Variants in CCDC102B observed in about 807,000 individuals in gnomAD.
CCDC102B encodes coiled-coil domain containing 102B, also known as coiled-coil domain-containing protein 102B.
A neutral mutation model predicts 57.4 loss-of-function variants in CCDC102B; 75 were observed. The ratio of observed to expected loss-of-function variants is 1.31; its 90% CI spans 1.08 to 1.58. The LOEUF is 1.58. Among genes scored for constraint, CCDC102B ranks in the 40% most tolerant of loss-of-function variants. CCDC102B has a pLI of 0.00. For missense variants in CCDC102B, 636 were observed against 582.6 expected (o/e 1.09, Z -0.94); for synonymous variants, 206 against 201.9 (o/e 1.02, Z -0.17).
At position 68,880,300 on chromosome 18, in the gene CCDC102B, A is replaced by G. The variant is rs952141217; in HGVS notation, c.1053+5515A>G. Among the ~76,000 whole-genome samples the G allele has an allele frequency of 1.6e-4, 25 of 152,180 alleles. No homozygotes were observed. In the East Asian group the frequency reaches 4.9e-3, roughly 30 times the overall value. On this transcript the variant is annotated intron_variant, in intron 5 of 7. Coordinates refer to ENST00000360242, the MANE Select transcript of CCDC102B (RefSeq NM_024781.3). Reference sequence around the variant, plus strand: ...GCCAGCTGCTCCGAGTGCGGGGCCCACCAAGCCCATGCCCACCCGGAACTC... The same window carrying G: ...GCCAGCTGCTCCGAGTGCGGGGCCCGCCAAGCCCATGCCCACCCGGAACTC...
At chr18:68,995,463 G>A (rs1472508245) in intron 6 of CCDC102B, among the ~76,000 whole-genome samples, 1 of 152,140 alleles carries the variant, frequency 6.6e-6, no homozygotes, top group Non-Finnish European at 1.5e-5. Context: ...GCTTTGTGCA[G>A]TCTTGGGACT....
chr18:68,848,307 A>G lies in CCDC102B; in HGVS notation c.936+1886A>G, dbSNP rs1269274046. Among the ~76,000 whole-genome samples, 2 of 151,966 alleles carry G rather than the reference A, an allele frequency of 1.3e-5. 1 individual carries two copies. The highest frequency in any genetic ancestry group is 1.3e-4 in the Admixed American group (2 of 15,218). ...TTTTTCCTCAACAATTCTGATAATG[A>G]CCTTTGCATTTATCGTAGCTCATCA... On this transcript the variant is annotated intron_variant, in intron 4 of 7. Transcript: ENST00000360242.
chr18:69,046,779 A>G (rs1034720975), intron 7 of CCDC102B, among the ~76,000 whole-genome samples: 5 of 151,986 alleles, frequency 3.3e-5, no homozygotes, highest in Admixed American at 1.3e-4. Context: ...TGTATATGGT[A>G]TAAAGAAGGG....
chr18:68,952,943 T>A (rs969336305), intron 6 of CCDC102B, among the ~76,000 whole-genome samples: 2 of 152,132 alleles, frequency 1.3e-5, no homozygotes, highest in Non-Finnish European at 2.9e-5. Flanking sequence ...GGTAGTGTAC[T>A]GTGTTTCAAC....
chr18:69,008,874 C>T (rs932242557), intron 6 of CCDC102B, among the ~76,000 whole-genome samples: 9 of 152,142 alleles, frequency 5.9e-5, no homozygotes, highest in Admixed American at 2.6e-4. Flanking sequence ...GGACATCTCT[C>T]CATGTGAATA....
downstream of CCDC102B, among the ~76,000 whole-genome samples, chr18:69,056,568 C>G (rs992834710): frequency 4.1e-4 from 63 of 151,882 alleles, no homozygotes; most frequent in African/African-American, 1.5e-3. Flanking sequence ...GAATTACTCT[C>G]TTCTCAGACA....
downstream of CCDC102B, among the ~76,000 whole-genome samples, chr18:69,056,767 G>C (rs964491521): frequency 6.6e-6 from 1 of 151,902 alleles, no homozygotes; most frequent in African/African-American, 2.4e-5. Context: ...TAATTGTGCT[G>C]AAAAACACAT....
At chr18:68,718,476 A>T (rs1325160620) in intron 2 of CCDC102B, among the ~76,000 whole-genome samples, 1 of 152,206 alleles carries the variant, frequency 6.6e-6, no homozygotes, top group Non-Finnish European at 1.5e-5. Context: ...TAATCGTGTT[A>T]AAAGTTGGGA....
intron 6 of CCDC102B, among the ~76,000 whole-genome samples, chr18:68,906,282 C>A (rs1033859039): frequency 6.6e-6 from 1 of 151,760 alleles, no homozygotes; most frequent in African/African-American, 2.4e-5. Flanking sequence ...CTGCTGTAAT[C>A]ATGCATGCAC....
intron 6 of CCDC102B, among the ~76,000 whole-genome samples, chr18:68,945,237 T>G (rs540384011): frequency 1.3e-5 from 2 of 152,086 alleles, no homozygotes; most frequent in African/African-American, 4.8e-5. Flanking sequence ...TTACATAACA[T>G]GGGAAAATGA....
At chr18:68,926,338 C>A (rs2041474061) in intron 6 of CCDC102B, among the ~76,000 whole-genome samples, 1 of 151,614 alleles carries the variant, frequency 6.6e-6, no homozygotes, top group African/African-American at 2.4e-5. Context: ...TTTAAAAAAG[C>A]TAAATTGTCT....
intron 6 of CCDC102B, among the ~76,000 whole-genome samples, chr18:68,969,499 T>C (rs1192018957): frequency 6.6e-6 from 1 of 150,930 alleles, no homozygotes; most frequent in Non-Finnish European, 1.5e-5. Flanking sequence ...TTTTCGTTCC[T>C]TGTAGGCAAC....
At chr18:68,851,691 T>A (rs544371658) in intron 4 of CCDC102B, among the ~76,000 whole-genome samples, 71 of 152,266 alleles carry the variant, frequency 4.7e-4, no homozygotes, top group Non-Finnish European at 8.2e-4. Context: ...TTAAGCAACA[T>A]CATTTTAAAA....
intron 4 of CCDC102B, among the ~76,000 whole-genome samples, chr18:68,854,543 A>C (rs2038296425): frequency 6.6e-6 from 1 of 152,234 alleles, no homozygotes; most frequent in African/African-American, 2.4e-5. Flanking sequence ...AATATAAAAA[A>C]AAAATTCTGT....
At chr18:68,785,322 T>C (rs1024139915) in intron 2 of CCDC102B, among the ~76,000 whole-genome samples, 24 of 152,306 alleles carry the variant, frequency 1.6e-4, no homozygotes, top group Non-Finnish European at 2.8e-4. Flanking sequence ...GCATGATTTA[T>C]AGTCCTTTGG....
At chr18:68,915,546 A>G (rs997764804) in intron 6 of CCDC102B, among the ~76,000 whole-genome samples, 13 of 152,192 alleles carry the variant, frequency 8.5e-5, no homozygotes, top group African/African-American at 3.1e-4. Context: ...GAAAATTTGA[A>G]TTTACAATAT....
intron 2 of CCDC102B, among the ~76,000 whole-genome samples, chr18:68,770,538 G>T (rs2034605970): frequency 6.6e-6 from 1 of 152,124 alleles, no homozygotes; most frequent in Admixed American, 6.5e-5. Flanking sequence ...GGTTGTGGAT[G>T]CATCCTCCTA....
chr18:68,764,801 C>A (rs2034369811), intron 2 of CCDC102B, among the ~76,000 whole-genome samples: 1 of 151,634 alleles, frequency 6.6e-6, no homozygotes, highest in African/African-American at 2.4e-5. Flanking sequence ...AATGGGAGAC[C>A]AAGGCAGGCA....
At chr18:68,922,453 C>T (rs1014449509) in intron 6 of CCDC102B, among the ~76,000 whole-genome samples, 1 of 152,156 alleles carries the variant, frequency 6.6e-6, no homozygotes, top group African/African-American at 2.4e-5. Context: ...AATAGCCATG[C>T]ATACATAACT....
Sources: gnomAD v4.1 joint callset for allele counts (sites outside exome capture counted in the v4.1 genomes callset) on GRCh38, gnomAD v4.1.1 for gene constraint, MANE v1.5 for transcripts, NCBI Gene and HGNC (gene_info 2026-07-23, HGNC 2026-07-21) for gene names.